Variants in CTNND2 observed in about 807,000 individuals in gnomAD.
The protein encoded by CTNND2 is catenin delta 2, also known as catenin delta-2.
CTNND2 carries 22 observed loss-of-function variants against 144.4 expected under a neutral mutation model. The observed-to-expected ratio is 0.15, with a 90% CI of 0.11 to 0.22. CTNND2 has a LOEUF of 0.22. Ranked by LOEUF, CTNND2 falls within the 10% of genes least tolerant of loss-of-function variation. The pLI is 1.00. For missense variants in CTNND2, 1,353 were observed against 1,618.8 expected (o/e 0.84, Z 2.82); for synonymous variants, 751 against 695.6 (o/e 1.08, Z -1.25).
At chr5:11,001,181 G>A (rs911898218) in intron 18 of CTNND2, among the ~76,000 whole-genome samples, 1 of 152,168 alleles carries the variant, frequency 6.6e-6, no homozygotes, top group African/African-American at 2.4e-5. Context: ...GCAGCTCTAT[G>A]ACATAGCAGG....
chr5:11,670,961 G>A (rs1241084160), intron 2 of CTNND2, among the ~76,000 whole-genome samples: 1 of 152,166 alleles, frequency 6.6e-6, no homozygotes, highest in South Asian at 2.1e-4. Context: ...GCTCCTGTAA[G>A]GCAGGTCTGG....
intron 2 of CTNND2, among the ~76,000 whole-genome samples, chr5:11,658,635 C>A (rs1264084851): frequency 6.6e-6 from 1 of 152,168 alleles, no homozygotes; most frequent in African/African-American, 2.4e-5. Context: ...AAAAACATTA[C>A]AGTCAATGTC....
intron 2 of CTNND2, among the ~76,000 whole-genome samples, chr5:11,585,730 G>A (rs988440287): frequency 1.3e-5 from 2 of 152,124 alleles, no homozygotes; most frequent in African/African-American, 2.4e-5. Flanking sequence ...AAAATAAGAC[G>A]ATGGGGAGAC....
intron 5 of CTNND2, among the ~76,000 whole-genome samples, chr5:11,397,608 G>A (rs1760264225): frequency 6.6e-6 from 1 of 152,124 alleles, no homozygotes; most frequent in Non-Finnish European, 1.5e-5. Flanking sequence ...ACTTAATGAT[G>A]GAGATGCTAA....
intron 2 of CTNND2, among the ~76,000 whole-genome samples, chr5:11,583,460 G>A (rs1377758872): frequency 2.6e-5 from 4 of 152,174 alleles, no homozygotes. Flanking sequence ...GGGAGGGTCA[G>A]CTTCAGTTAA....
At chr5:11,728,119 G>C (rs569799672) in intron 2 of CTNND2, among the ~76,000 whole-genome samples, 1 of 152,098 alleles carries the variant, frequency 6.6e-6, no homozygotes, top group Non-Finnish European at 1.5e-5. Context: ...CTTCCTTGTG[G>C]CTTCATATGA....
At chr5:11,348,897 T>C (rs375375127) in intron 8 of CTNND2, among the ~76,000 whole-genome samples, 12 of 152,314 alleles carry the variant, frequency 7.9e-5, no homozygotes, top group African/African-American at 2.6e-4. Flanking sequence ...TCTTGGTATG[T>C]ATGCAGGAAG....
At chr5:11,737,143 C>G (rs995554559) in intron 1 of CTNND2, among the ~76,000 whole-genome samples, 9 of 152,098 alleles carry the variant, frequency 5.9e-5, no homozygotes, top group African/African-American at 2.2e-4. Flanking sequence ...CTTTTGTTAG[C>G]CAGTCCTGCT....
At chr5:11,171,164 G>A (rs940907274) in intron 11 of CTNND2, among the ~76,000 whole-genome samples, 2 of 152,096 alleles carry the variant, frequency 1.3e-5, no homozygotes, top group African/African-American at 4.8e-5. Flanking sequence ...CTCATTTCCT[G>A]AGACATTACC....
chr5:10,998,998 T>C (rs1233240045), intron 18 of CTNND2, among the ~76,000 whole-genome samples: 1 of 152,188 alleles, frequency 6.6e-6, no homozygotes, highest in East Asian at 1.9e-4. Context: ...GAACACTAGA[T>C]GCTAGAGGCT....
At chr5:11,220,263 C>T (rs560986733) in intron 10 of CTNND2, among the ~76,000 whole-genome samples, 9 of 152,148 alleles carry the variant, frequency 5.9e-5, no homozygotes, top group African/African-American at 1.9e-4. Context: ...TGTCTCATTC[C>T]CCAGTGAAGA....
At chr5:11,037,887 G>C (rs1744258418) in intron 16 of CTNND2, among the ~76,000 whole-genome samples, 1 of 152,052 alleles carries the variant, frequency 6.6e-6, no homozygotes, top group Non-Finnish European at 1.5e-5. Context: ...TGATTGGTCT[G>C]AAACTATACA....
At chr5:11,155,304 C>T (rs746717792) in intron 12 of CTNND2, among the ~76,000 whole-genome samples, 1 of 152,210 alleles carries the variant, frequency 6.6e-6, no homozygotes, top group Non-Finnish European at 1.5e-5. Context: ...CTGAACCTCA[C>T]TCTATATGAA....
intron 8 of CTNND2, among the ~76,000 whole-genome samples, chr5:11,346,830 C>G (rs530227510): frequency 6.6e-6 from 1 of 152,110 alleles, no homozygotes; most frequent in African/African-American, 2.4e-5. Context: ...AAGAGACAAA[C>G]CTTTCAGGTA....
chr5:11,098,448 A>AT (rs377743609), intron 15 of CTNND2, 127 bp downstream of exon 15: 486 of 807,796 alleles, frequency 6.0e-4, no homozygotes, highest in African/African-American at 6.9e-4. Flanking sequence ...GTTCAATATA[A>AT]TTTTTTTTTC....
chr5:11,031,872 T>C (rs890893622), intron 16 of CTNND2, among the ~76,000 whole-genome samples: 1 of 152,244 alleles, frequency 6.6e-6, no homozygotes, highest in Non-Finnish European at 1.5e-5. Context: ...ACAGGGGCTT[T>C]TGGGCCTTCG....
intron 2 of CTNND2, among the ~76,000 whole-genome samples, chr5:11,602,587 G>A (rs1225073051): frequency 6.6e-6 from 1 of 150,452 alleles, no homozygotes; most frequent in Non-Finnish European, 1.5e-5. Context: ...CAATATTCAT[G>A]TTCGAAAAAG....
intron 20 of CTNND2, among the ~76,000 whole-genome samples, chr5:10,985,208 C>T (rs1737791754): frequency 6.6e-6 from 1 of 152,146 alleles, no homozygotes; most frequent in Non-Finnish European, 1.5e-5. Flanking sequence ...GGAAAACCTC[C>T]AGGTGAATTT....
chr5:11,231,022 A>C (rs1740942727), intron 10 of CTNND2, among the ~76,000 whole-genome samples: 1 of 152,024 alleles, frequency 6.6e-6, no homozygotes, highest in African/African-American at 2.4e-5. Flanking sequence ...CAAGGGCAGG[A>C]CCAGGTGAAG....
Sources: gnomAD v4.1 joint callset for allele counts (sites outside exome capture counted in the v4.1 genomes callset) on GRCh38, gnomAD v4.1.1 for gene constraint, MANE v1.5 for transcripts, NCBI Gene and HGNC (gene_info 2026-07-23, HGNC 2026-07-21) for gene names.